The following RAB3C variants were observed in gnomAD, a reference collection of about 807,000 sequenced individuals.
RAB3C encodes the protein RAB3C, member RAS oncogene family.
A neutral mutation model predicts 26.4 loss-of-function variants in RAB3C; 17 were observed. That is an observed-to-expected ratio of 0.64 (90% CI 0.44 to 0.97). RAB3C has a LOEUF of 0.97. Ranked by LOEUF, RAB3C falls within the 50% of genes least tolerant of loss-of-function variation. The pLI is 0.00. For synonymous variants in RAB3C, 91 were observed against 95.9 expected, an observed-to-expected ratio of 0.95 and a Z score of 0.30; for missense variants, 242 against 281.9, an observed-to-expected ratio of 0.86 and a Z score of 1.01.
intron 1 of RAB3C, among the ~76,000 whole-genome samples, chr5:58,613,811 G>A (rs531005354): frequency 6.6e-6 from 1 of 152,190 alleles, no homozygotes; most frequent in Admixed American, 6.6e-5. Context: ...CTAGCAGGAT[G>A]TGTTCAATTT....
At chr5:58,612,516 GTGTGTATATATATATATA>G (rs1208571750) in intron 1 of RAB3C, among the ~76,000 whole-genome samples, 6 of 41,084 alleles carry the variant, frequency 1.5e-4, no homozygotes, top group African/African-American at 5.3e-4. Context: ...GTGTGTGTGT[GTGTGTATATATATATATA>G]TATATATATA....
chr5:58,612,537 T>C (rs1746734301), intron 1 of RAB3C, among the ~76,000 whole-genome samples: 1 of 63,568 alleles, frequency 1.6e-5, no homozygotes, highest in African/African-American at 6.0e-5. Flanking sequence ...TATATATATA[T>C]ATATATATAT....
At chr5:58,701,223 G>A (rs1168893649) in intron 2 of RAB3C, among the ~76,000 whole-genome samples, 3 of 152,018 alleles carry the variant, frequency 2.0e-5, no homozygotes, top group South Asian at 2.1e-4. Context: ...GGATGGTCTC[G>A]ATCTCCTGAC....
intron 2 of RAB3C, among the ~76,000 whole-genome samples, chr5:58,719,472 A>T (rs1220060345): frequency 1.3e-5 from 2 of 151,922 alleles, no homozygotes; most frequent in Admixed American, 1.3e-4. Flanking sequence ...TGAGATTTAT[A>T]TTGCCTTCAG....
intron 1 of RAB3C, among the ~76,000 whole-genome samples, chr5:58,592,746 T>A (rs1746161563): frequency 6.6e-6 from 1 of 152,178 alleles, no homozygotes; most frequent in South Asian, 2.1e-4. Flanking sequence ...TGTCTGCTGA[T>A]CTCCTTTATA....
intron 1 of RAB3C, among the ~76,000 whole-genome samples, chr5:58,612,518 G>GTGTGTGTGTATATATATATA (rs1242197761): frequency 3.9e-3 from 157 of 40,514 alleles, no homozygotes; most frequent in East Asian, 0.033. Flanking sequence ...GTGTGTGTGT[G>GTGTGTGTGTATATATATATA]TGTATATATA....
intron 1 of RAB3C, among the ~76,000 whole-genome samples, chr5:58,603,238 T>C (rs544982277): frequency 6.6e-6 from 1 of 152,314 alleles, no homozygotes; most frequent in East Asian, 1.9e-4. Context: ...GTCTCACAGC[T>C]CTTAAGATTC....
At chr5:58,635,399 AG>A in intron 2 of RAB3C, among the ~76,000 whole-genome samples, 1 of 152,338 alleles carries the variant, frequency 6.6e-6, no homozygotes, top group East Asian at 1.9e-4. Flanking sequence ...GAAAGAAAGC[AG>A]TGAATTGGTG....
At chr5:58,641,651 A>G (rs1747414831) in intron 2 of RAB3C, among the ~76,000 whole-genome samples, 1 of 152,142 alleles carries the variant, frequency 6.6e-6, no homozygotes, top group South Asian at 2.1e-4. Flanking sequence ...ACAAGCAAAC[A>G]AACCTTCTGC....
At chr5:58,849,144 C>A (rs2112089025) in intron 4 of RAB3C, among the ~76,000 whole-genome samples, 1 of 152,272 alleles carries the variant, frequency 6.6e-6, no homozygotes, top group East Asian at 1.9e-4. Context: ...ATGGCTAAAT[C>A]TTTTATGATA....
intron 2 of RAB3C, among the ~76,000 whole-genome samples, chr5:58,694,224 G>T (rs1313835513): frequency 2.6e-5 from 4 of 152,058 alleles, no homozygotes; most frequent in Admixed American, 2.6e-4. Flanking sequence ...TGAGAATGAT[G>T]GTTTCCAGTT....
chr5:58,724,349 A>G (rs1292907243), intron 2 of RAB3C, among the ~76,000 whole-genome samples: 3 of 151,942 alleles, frequency 2.0e-5, no homozygotes, highest in South Asian at 4.2e-4. Flanking sequence ...ATGGGAGAGA[A>G]GGACCTCAAA....
intron 2 of RAB3C, among the ~76,000 whole-genome samples, chr5:58,665,987 C>T (rs1579846371): frequency 6.6e-6 from 1 of 152,200 alleles, no homozygotes; most frequent in South Asian, 2.1e-4. Flanking sequence ...CAATACACTG[C>T]ACTAAAATAT....
At chr5:58,712,235 C>A (rs1293087224) in intron 2 of RAB3C, among the ~76,000 whole-genome samples, 8 of 151,878 alleles carry the variant, frequency 5.3e-5, no homozygotes, top group Non-Finnish European at 1.2e-4. Flanking sequence ...CTTCATTTTG[C>A]CAGTTTATGG....
In RAB3C at chr5:58,828,901, CTTTTT is replaced by C. The variant is rs762653092; in HGVS notation, c.496+3756_496+3760del. Among the ~76,000 whole-genome samples the C allele has an allele frequency of 5.0e-3, 616 of 122,438 alleles. 10 individuals carry two copies. The highest frequency in any genetic ancestry group is 0.018 in the African/African-American group (581 of 32,732). The allele number at this position is 122,438 out of a possible 152,430, so 80.3% of individuals were successfully genotyped here. On this transcript the variant is annotated intron_variant, in intron 4 of 4. Transcript: ENST00000282878. ...CTATAGCTGGTGTTATTTTACCATG[CTTTTT>C]TTTTTTTTTTTTTTTTGGATGGAGT...
intron 2 of RAB3C, among the ~76,000 whole-genome samples, chr5:58,684,486 A>C (rs1310204013): frequency 8.5e-5 from 13 of 152,188 alleles, no homozygotes; most frequent in Non-Finnish European, 1.3e-4. Flanking sequence ...GTAGGCTATC[A>C]GGCCAAGTAA....
chr5:58,790,947 C>T (rs1443506128), intron 3 of RAB3C, among the ~76,000 whole-genome samples: 1 of 152,052 alleles, frequency 6.6e-6, no homozygotes, highest in African/African-American at 2.4e-5. Flanking sequence ...CTTCCATTCT[C>T]TTGTTCCTCC....
chr5:58,848,929 T>C (rs539212357), intron 4 of RAB3C, among the ~76,000 whole-genome samples: 2 of 152,302 alleles, frequency 1.3e-5, no homozygotes, highest in African/African-American at 4.8e-5. Context: ...TAGGTGCCAT[T>C]ATTTCTGGCA....
chr5:58,781,566 G>GA (rs35285748), intron 3 of RAB3C, among the ~76,000 whole-genome samples: 30 of 147,244 alleles, frequency 2.0e-4, no homozygotes, highest in Non-Finnish European at 3.0e-4. Context: ...ATTCTTAGTT[G>GA]AAAAAAAAAA....
Sources: gnomAD v4.1 joint callset for allele counts (sites outside exome capture counted in the v4.1 genomes callset) on GRCh38, gnomAD v4.1.1 for gene constraint, MANE v1.5 for transcripts, NCBI Gene and HGNC (gene_info 2026-07-23, HGNC 2026-07-21) for gene names.